The following CADM2 variants were observed in gnomAD, a reference collection of about 807,000 sequenced individuals.
The protein encoded by CADM2 is immunoglobulin superfamily member 4D.
CADM2 carries 12 observed loss-of-function variants against 49.8 expected under a neutral mutation model. That is an observed-to-expected ratio of 0.24 (90% CI 0.15 to 0.39). CADM2 has a LOEUF of 0.39. Ranked by LOEUF, CADM2 falls within the 10% of genes least tolerant of loss-of-function variation. The probability of loss-of-function intolerance (pLI) is 1.00; values close to 1 mark genes in which losing one functional copy is unlikely to be tolerated. For synonymous variants in CADM2, 214 were observed against 175.4 expected (o/e 1.22, Z -1.74); for missense variants, 378 against 492.3 (o/e 0.77, Z 2.20).
chr3:85,531,724 A>T (rs754564995), intron 1 of CADM2, among the ~76,000 whole-genome samples: 2 of 152,302 alleles, frequency 1.3e-5, no homozygotes, highest in East Asian at 1.9e-4. Flanking sequence ...GTCTAAAAAT[A>T]TACCCATGAT....
chr3:85,406,361 A>T, intron 1 of CADM2, among the ~76,000 whole-genome samples: 1 of 152,162 alleles, frequency 6.6e-6, no homozygotes, highest in East Asian at 1.9e-4. Context: ...TTTTTTGAAA[A>T]AAATTCTATA....
chr3:85,342,448 T>C (rs2029972744), intron 1 of CADM2, among the ~76,000 whole-genome samples: 1 of 152,102 alleles, frequency 6.6e-6, no homozygotes, highest in African/African-American at 2.4e-5. Context: ...TTCAATTTAT[T>C]ATTTAATAAT....
intron 5 of CADM2, among the ~76,000 whole-genome samples, chr3:85,901,742 A>AT (rs1716148211): frequency 6.6e-6 from 1 of 152,154 alleles, no homozygotes; most frequent in South Asian, 2.1e-4. Context: ...ACCACAATCA[A>AT]TTTCAAATTT....
At chr3:85,060,543 T>TA (rs2036267058) in intron 1 of CADM2, among the ~76,000 whole-genome samples, 1 of 152,234 alleles carries the variant, frequency 6.6e-6, no homozygotes, top group Non-Finnish European at 1.5e-5. Context: ...ATGTTTTCTT[T>TA]AAAAATATTT....
At chr3:85,084,426 T>C (rs2037294648) in intron 1 of CADM2, among the ~76,000 whole-genome samples, 1 of 152,072 alleles carries the variant, frequency 6.6e-6, no homozygotes, top group African/African-American at 2.4e-5. Context: ...CCTTGAACAG[T>C]TGGTTGAGAA....
At chr3:85,881,345 A>G (rs1001274121) in intron 3 of CADM2, among the ~76,000 whole-genome samples, 1 of 152,076 alleles carries the variant, frequency 6.6e-6, no homozygotes, top group Non-Finnish European at 1.5e-5. Context: ...GTTGCTTAAA[A>G]ATTTTTGTCA....
At chr3:85,985,685 TG>T (rs907465861) in intron 8 of CADM2, among the ~76,000 whole-genome samples, 4 of 152,046 alleles carry the variant, frequency 2.6e-5, no homozygotes, top group Admixed American at 6.6e-5. Flanking sequence ...GGGATCTGTT[TG>T]TATCACTATA....
chr3:84,986,202 T>C (rs2032540194), intron 1 of CADM2, among the ~76,000 whole-genome samples: 1 of 152,240 alleles, frequency 6.6e-6, no homozygotes, highest in Admixed American at 6.5e-5. Flanking sequence ...TTTTACTTGA[T>C]ATTAATGTTT....
chr3:84,975,126 T>G (rs1230328369), intron 1 of CADM2, among the ~76,000 whole-genome samples: 2 of 151,922 alleles, frequency 1.3e-5, no homozygotes, highest in Non-Finnish European at 2.9e-5. Context: ...TTAGGCTGTC[T>G]GTTAATCTTT....
chr3:85,500,936 A>G (rs1559872037), intron 1 of CADM2, among the ~76,000 whole-genome samples: 1 of 152,304 alleles, frequency 6.6e-6, no homozygotes, highest in South Asian at 2.1e-4. Context: ...CTCTTAGACC[A>G]TCAAAGCCAA....
intron 2 of CADM2, among the ~76,000 whole-genome samples, chr3:85,788,603 C>T (rs1282923950): frequency 2.0e-5 from 3 of 151,582 alleles, no homozygotes; most frequent in East Asian, 1.9e-4. Flanking sequence ...ATAAAAATAA[C>T]GTCAAAATAT....
chr3:85,762,802 C>A (rs539922625), intron 2 of CADM2, among the ~76,000 whole-genome samples: 3 of 151,324 alleles, frequency 2.0e-5, no homozygotes, highest in East Asian at 3.9e-4. Context: ...GCCAAAATAT[C>A]CCTGTACTTT....
intron 3 of CADM2, among the ~76,000 whole-genome samples, chr3:85,831,401 C>T (rs2074181420): frequency 6.6e-6 from 1 of 151,936 alleles, no homozygotes; most frequent in Non-Finnish European, 1.5e-5. Flanking sequence ...TTTAAAAAAT[C>T]TCCAAACTGC....
At chr3:85,581,842 G>A (rs1158123154) in intron 1 of CADM2, among the ~76,000 whole-genome samples, 1 of 151,700 alleles carries the variant, frequency 6.6e-6, no homozygotes, top group African/African-American at 2.4e-5. Context: ...AAAAAAAGGT[G>A]AACTGAAGGT....
chr3:85,093,404 G>A (rs1006127900), intron 1 of CADM2, among the ~76,000 whole-genome samples: 2 of 151,730 alleles, frequency 1.3e-5, no homozygotes, highest in Admixed American at 1.3e-4. Context: ...CCAGCTACTC[G>A]GGAGGCTGAG....
At chr3:85,371,677 G>GTGTATATA (rs1251505613) in intron 1 of CADM2, among the ~76,000 whole-genome samples, 168 of 95,120 alleles carry the variant, frequency 1.8e-3, no homozygotes, top group African/African-American at 5.2e-3. Context: ...GTGTGTGTGT[G>GTGTATATA]TATATATATA....
At chr3:85,607,717 C>T (rs1428535845) in intron 1 of CADM2, among the ~76,000 whole-genome samples, 1 of 151,706 alleles carries the variant, frequency 6.6e-6, no homozygotes, top group Non-Finnish European at 1.5e-5. Flanking sequence ...AGTGCAGTGG[C>T]GCCATCTCAG....
intron 1 of CADM2, among the ~76,000 whole-genome samples, chr3:85,218,997 A>G (rs971403355): frequency 6.6e-6 from 1 of 152,174 alleles, no homozygotes; most frequent in Non-Finnish European, 1.5e-5. Context: ...TGCCTCGCAT[A>G]TCATGAAGAT....
intron 1 of CADM2, among the ~76,000 whole-genome samples, chr3:85,147,342 G>T (rs1445172953): frequency 6.7e-6 from 1 of 149,562 alleles, no homozygotes; most frequent in Admixed American, 6.7e-5. Flanking sequence ...TTCCTTAGGG[G>T]ATGACCAGAT....
Sources: allele counts gnomAD v4.1 joint callset (sites outside exome capture counted in the v4.1 genomes callset), GRCh38; gene constraint gnomAD v4.1.1; transcripts MANE v1.5; gene names NCBI Gene and HGNC (gene_info 2026-07-23, HGNC 2026-07-21).